The following SEMA5A variants were observed in gnomAD, a reference collection of about 807,000 sequenced individuals.
SEMA5A encodes the protein semaphorin-5A.
Under a neutral mutation model 135.5 loss-of-function variants are expected in SEMA5A, and 55 were observed. That is an observed-to-expected ratio of 0.41 (90% CI 0.33 to 0.51). The LOEUF (loss-of-function observed/expected upper bound fraction) is 0.51, where lower values mean the gene tolerates loss of function less well. SEMA5A is among the 20% of genes least tolerant of loss of function. SEMA5A has a pLI of 0.37. For missense variants in SEMA5A, 1,290 were observed against 1,419.9 expected, an observed-to-expected ratio of 0.91 and a Z score of 1.47; for synonymous variants, 580 against 546.5, an observed-to-expected ratio of 1.06 and a Z score of -0.85.
chr5:9,122,117 A>T (rs56211009), intron 14 of SEMA5A, among the ~76,000 whole-genome samples: 11,397 of 152,264 alleles, frequency 0.075, 467 homozygotes, highest in South Asian at 0.16. Flanking sequence ...AGTTGTAAAA[A>T]AAATAAATAA....
intron 16 of SEMA5A, among the ~76,000 whole-genome samples, chr5:9,089,905 ATTCT>A (rs1439813067): frequency 1.3e-5 from 2 of 152,218 alleles, no homozygotes; most frequent in African/African-American, 2.4e-5. Context: ...TGATTGTAAC[ATTCT>A]TTCTCTCTTA....
chr5:9,524,110 G>C (rs117452603), intron 1 of SEMA5A, among the ~76,000 whole-genome samples: 1 of 152,108 alleles, frequency 6.6e-6, no homozygotes, highest in African/African-American at 2.4e-5. Context: ...GAGTTCTCAC[G>C]AAATCTGGTT....
At chr5:9,305,256 A>C (rs1030385822) in intron 5 of SEMA5A, among the ~76,000 whole-genome samples, 10 of 152,098 alleles carry the variant, frequency 6.6e-5, no homozygotes, top group African/African-American at 2.4e-4. Flanking sequence ...CTAATTTTCC[A>C]TGGATATTTT....
chr5:9,462,998 AAAG>A (rs1003969656), intron 1 of SEMA5A, among the ~76,000 whole-genome samples: 3 of 152,002 alleles, frequency 2.0e-5, no homozygotes, highest in Admixed American at 6.6e-5. Flanking sequence ...AAAAAAAAAA[AAAG>A]AATTTTCAAG....
chr5:9,064,677 T>C (rs1183000989), intron 17 of SEMA5A, among the ~76,000 whole-genome samples: 1 of 152,060 alleles, frequency 6.6e-6, no homozygotes, highest in African/African-American at 2.4e-5. Context: ...GGTTGAGCCA[T>C]GATTACACCA....
At chr5:9,051,850 C>A in intron 20 of SEMA5A, 23 bp downstream of exon 20, 1 of 1,613,852 alleles carries the variant, frequency 6.2e-7, no homozygotes, top group South Asian at 1.1e-5. Flanking sequence ...TTTATTCTTA[C>A]TGATAAATAC....
chr5:9,195,675 T>C (rs1417482206), intron 10 of SEMA5A, among the ~76,000 whole-genome samples: 1 of 152,224 alleles, frequency 6.6e-6, no homozygotes, highest in Non-Finnish European at 1.5e-5. Flanking sequence ...CATGGAAAGA[T>C]GACATGTAAG....
chr5:9,156,701 G>T (rs1806143), intron 11 of SEMA5A, among the ~76,000 whole-genome samples: 1 of 152,208 alleles, frequency 6.6e-6, no homozygotes, highest in Non-Finnish European at 1.5e-5. Context: ...CACACTAGTT[G>T]TTCACCAGCC....
intron 4 of SEMA5A, among the ~76,000 whole-genome samples, chr5:9,324,859 G>A (rs1192014495): frequency 6.6e-6 from 1 of 152,206 alleles, no homozygotes; most frequent in Non-Finnish European, 1.5e-5. Flanking sequence ...CAACATGAAG[G>A]AATAATGCTT....
chr5:9,435,009 A>G (rs1209691416), intron 2 of SEMA5A, among the ~76,000 whole-genome samples: 1 of 152,222 alleles, frequency 6.6e-6, no homozygotes, highest in African/African-American at 2.4e-5. Flanking sequence ...GCCTTTAAGT[A>G]TCAGAAGTAT....
intron 8 of SEMA5A, among the ~76,000 whole-genome samples, chr5:9,210,023 G>C (rs1416360737): frequency 6.6e-6 from 1 of 152,202 alleles, no homozygotes; most frequent in South Asian, 2.1e-4. Context: ...AGCAGTTCTA[G>C]TACACGTCTG....
At chr5:9,298,674 G>T (rs1200778337) in intron 5 of SEMA5A, among the ~76,000 whole-genome samples, 2 of 152,132 alleles carry the variant, frequency 1.3e-5, no homozygotes, top group Non-Finnish European at 1.5e-5. Context: ...TGACTATAAG[G>T]TCAGTTCTGT....
chr5:9,036,472 C>A lies in SEMA5A; in HGVS notation c.*6425G>T, dbSNP rs1735659622. 1 of 152,060 alleles carries A rather than the reference C, an allele frequency of 6.6e-6. No homozygotes were observed. Among genetic ancestry groups the A allele is most frequent in the Admixed American group, 6.5e-5 (1 of 15,272 alleles). 9.4% of individuals were successfully genotyped at this position (152,060 alleles called of 1,614,324 possible). A position where few individuals can be genotyped will look rare whatever the true frequency, so the allele number is the denominator to read the frequency against. On this transcript the variant is annotated 3_prime_UTR_variant, in exon 23 of 23. Transcript: ENST00000382496. ...TGATTTTCCTCTATCTATGGACTTG[C>A]CTGAAGAGAAACAGAAACAAAAACC...
At chr5:9,266,299 C>T (rs1331367647) in intron 5 of SEMA5A, among the ~76,000 whole-genome samples, 1 of 149,090 alleles carries the variant, frequency 6.7e-6, no homozygotes, top group East Asian at 1.9e-4. Flanking sequence ...AGCTTCTGTG[C>T]TAAGTATCTT....
chr5:9,497,518 G>A (rs577497666), intron 1 of SEMA5A, among the ~76,000 whole-genome samples: 12 of 152,276 alleles, frequency 7.9e-5, no homozygotes, highest in African/African-American at 2.9e-4. Flanking sequence ...GAGACTTGAC[G>A]TCGAGTGGCA....
chr5:9,427,704 C>T (rs77953960), intron 2 of SEMA5A, among the ~76,000 whole-genome samples: 6,155 of 152,204 alleles, frequency 0.04, 181 homozygotes, highest in Non-Finnish European at 0.061. Flanking sequence ...TGTGTGTATC[C>T]ACAGTCACAC....
chr5:9,185,289 G>A (rs1744746815), intron 11 of SEMA5A, among the ~76,000 whole-genome samples: 1 of 152,146 alleles, frequency 6.6e-6, no homozygotes, highest in Admixed American at 6.5e-5. Flanking sequence ...GGGGCTAGGG[G>A]AAGAGAAGGA....
At chr5:9,256,942 T>C (rs546349803) in intron 5 of SEMA5A, among the ~76,000 whole-genome samples, 2 of 152,346 alleles carry the variant, frequency 1.3e-5, no homozygotes, top group East Asian at 3.9e-4. Flanking sequence ...TGCATATCTA[T>C]GTGATGTGAA....
chr5:9,542,930 A>T (rs553970292), intron 1 of SEMA5A, among the ~76,000 whole-genome samples: 14 of 152,316 alleles, frequency 9.2e-5, no homozygotes, highest in African/African-American at 3.4e-4. Flanking sequence ...TTGGCTGGAC[A>T]TTTAGTAAAG....
Sources: allele counts gnomAD v4.1 joint callset (sites outside exome capture counted in the v4.1 genomes callset), GRCh38; gene constraint gnomAD v4.1.1; transcripts MANE v1.5; gene names NCBI Gene and HGNC (gene_info 2026-07-23, HGNC 2026-07-21).